The following PBX3 variants were observed in gnomAD, a reference collection of about 807,000 sequenced individuals.
PBX3 encodes the protein PBX homeobox 3, also known as pre-B-cell leukemia transcription factor 3.
A neutral mutation model predicts 48.5 loss-of-function variants in PBX3; 14 were observed. That is an observed-to-expected ratio of 0.29 (90% confidence interval 0.19 to 0.45). The LOEUF is 0.45. PBX3 is among the 20% of genes least tolerant of loss of function. The pLI is 1.00. For synonymous variants in PBX3, 210 were observed against 200.3 expected (o/e 1.05, Z -0.41); for missense variants, 386 against 546.7 (o/e 0.71, Z 2.93).
chr9:125,922,891 G>A (rs10987036), intron 3 of PBX3, among the ~76,000 whole-genome samples: 9,445 of 152,112 alleles, frequency 0.062, 684 homozygotes, highest in East Asian at 0.17. Flanking sequence ...CTTTCTTAAG[G>A]GTGTACCCAG....
chr9:125,937,367 A>T (rs1374087139), intron 5 of PBX3, among the ~76,000 whole-genome samples: 1 of 152,204 alleles, frequency 6.6e-6, no homozygotes, highest in African/African-American at 2.4e-5. Context: ...TTTTAAAAAA[A>T]ACAGTTAATT....
At chr9:125,953,541 G>T (rs1220057322) in intron 5 of PBX3, among the ~76,000 whole-genome samples, 1 of 151,982 alleles carries the variant, frequency 6.6e-6, no homozygotes, top group African/African-American at 2.4e-5. Flanking sequence ...ATTTTCTCAA[G>T]ATAAGTTTTA....
intron 2 of PBX3, among the ~76,000 whole-genome samples, chr9:125,780,120 A>T (rs1342867458): frequency 8.7e-6 from 1 of 114,304 alleles, no homozygotes; most frequent in African/African-American, 3.4e-5. Context: ...GGGGCTCCTC[A>T]CTTCCCAGTA....
chr9:125,860,082 C>G (rs1389362497), intron 2 of PBX3, among the ~76,000 whole-genome samples: 1 of 152,198 alleles, frequency 6.6e-6, no homozygotes, highest in South Asian at 2.1e-4. Flanking sequence ...ATTAAAACAG[C>G]AGTTTATTTC....
In PBX3 at chr9:125,963,022, T is replaced by TC. The variant is rs1842462127; in HGVS notation, c.1135dup (p.Arg379ProfsTer12). 6.2e-7 allele frequency: 1 copy of TC among 1,601,030 alleles called. No individual in the cohort carries two copies. The highest frequency in any genetic ancestry group is 1.3e-5 in the African/African-American group (1 of 74,744). ...TTGTCTCACTTCTAGGTGGATACCC[T>TC]CCGTCATGTTATCAATCAGACGGGA... On this transcript the variant is annotated frameshift_variant, in exon 8 of 9. Coordinates refer to ENST00000373489, the MANE Select transcript of PBX3 (RefSeq NM_006195.6). LOFTEE classifies it high-confidence loss of function.
At chr9:125,961,220 T>G (rs192779856) in intron 6 of PBX3, among the ~76,000 whole-genome samples, 4 of 152,356 alleles carry the variant, frequency 2.6e-5, no homozygotes, top group Admixed American at 2.6e-4. Context: ...AATGCAGCAG[T>G]TGCTGTGTGT....
intron 2 of PBX3, among the ~76,000 whole-genome samples, chr9:125,859,856 C>T (rs1403719923): frequency 1.3e-5 from 2 of 152,136 alleles, no homozygotes; most frequent in African/African-American, 4.8e-5. Context: ...TGTGTGTTAT[C>T]AGTAAAGATA....
At chr9:125,779,261 T>TTA (rs1554853831) in intron 2 of PBX3, among the ~76,000 whole-genome samples, 5 of 145,328 alleles carry the variant, frequency 3.4e-5, no homozygotes, top group African/African-American at 1.3e-4. Context: ...TTTTTTTTTT[T>TTA]AATTTTTATT....
At chr9:125,761,647 A>ACC (rs1454883346) in intron 2 of PBX3, among the ~76,000 whole-genome samples, 2 of 152,114 alleles carry the variant, frequency 1.3e-5, no homozygotes, top group South Asian at 2.1e-4. Context: ...ATAACACAAA[A>ACC]CCCCTACCTT....
rs1033322378 is a variant in PBX3 at position 125,826,490 on chromosome 9, T to A, written c.274+77867T>A. On this transcript the variant is annotated intron_variant, in intron 2 of 8. Coordinates refer to ENST00000373489, the MANE Select transcript of PBX3 (RefSeq NM_006195.6). Reference sequence around the variant, plus strand: ...TGGGATTTTTTCCTTTGAAAATATATCTAATGAATACATAAGATATATTTC... The same window carrying A: ...TGGGATTTTTTCCTTTGAAAATATAACTAATGAATACATAAGATATATTTC... 7.1e-4 allele frequency among the ~76,000 whole-genome samples: 108 copies of A among 152,276 alleles called. 1 individual carries two copies. Among genetic ancestry groups the A allele is most frequent in the Admixed American group, 7.0e-3 (107 of 15,288 alleles).
At chr9:125,950,385 T>A (rs550154461) in intron 5 of PBX3, among the ~76,000 whole-genome samples, 92 of 152,222 alleles carry the variant, frequency 6.0e-4, no homozygotes, top group Non-Finnish European at 8.8e-4. Context: ...TTTCAAATGC[T>A]ATGGAAACTG....
intron 2 of PBX3, among the ~76,000 whole-genome samples, chr9:125,834,174 TA>T (rs1008008759): frequency 6.6e-6 from 1 of 152,160 alleles, no homozygotes; most frequent in Non-Finnish European, 1.5e-5. Context: ...CGAAGCATGA[TA>T]AACATTATGA....
At chr9:125,869,402 G>A (rs1840063318) in intron 2 of PBX3, among the ~76,000 whole-genome samples, 1 of 152,180 alleles carries the variant, frequency 6.6e-6, no homozygotes, top group South Asian at 2.1e-4. Flanking sequence ...AAATATACTG[G>A]TATTCAAATA....
intron 2 of PBX3, among the ~76,000 whole-genome samples, chr9:125,805,168 C>G (rs946471225): frequency 3.3e-5 from 5 of 150,998 alleles, no homozygotes; most frequent in African/African-American, 1.2e-4. Flanking sequence ...AAGGAGCAGG[C>G]TTAAAAAAAA....
In PBX3 at chr9:125,851,150, T is replaced by C. The variant is rs371719406; in HGVS notation, c.275-64536T>C. On this transcript the variant is annotated intron_variant, in intron 2 of 8. Coordinates refer to ENST00000373489, the MANE Select transcript of PBX3 (RefSeq NM_006195.6). ...ATTTTTCAGCCTGAAAAAATACTTA[T>C]GGGTAGAGATGTCAAAAATATTAAC... 4.6e-5 allele frequency among the ~76,000 whole-genome samples: 7 copies of C among 152,194 alleles called. No homozygotes were observed. In the South Asian group the frequency reaches 6.2e-4, roughly 14 times the overall value.
intron 3 of PBX3, among the ~76,000 whole-genome samples, chr9:125,916,265 T>C (rs1032029889): frequency 2.0e-5 from 3 of 152,220 alleles, no homozygotes; most frequent in Non-Finnish European, 4.4e-5. Flanking sequence ...ATTTATGCAC[T>C]AGCCTTGTTC....
At chr9:125,961,991 T>A (rs1264090208) in intron 6 of PBX3, 111 bp from the exon 7 acceptor site, 3 of 584,916 alleles carry the variant, frequency 5.1e-6, no homozygotes, top group Non-Finnish European at 9.3e-6. Flanking sequence ...ATGCTTTATG[T>A]TGTGCACAGC....
intron 2 of PBX3, among the ~76,000 whole-genome samples, chr9:125,837,239 C>T (rs1055601713): frequency 5.3e-5 from 8 of 151,928 alleles, no homozygotes; most frequent in African/African-American, 1.7e-4. Context: ...AACCAGTTTA[C>T]AAGCTATGTT....
At position 125,759,698 on chromosome 9, in the gene PBX3, G is replaced by C. The variant is rs919857017; in HGVS notation, c.274+11075G>C. On this transcript the variant is annotated intron_variant, in intron 2 of 8. Transcript: ENST00000373489. This position sits in a 1 kb window ranked among gnomAD's most constrained non-coding sequence, Gnocchi z 4.2. ...TAGCTAGGAGCAGTTTGTGGACCGC[G>C]TCTGTGAACGCGGCTCATAATTGTT... is the stretch of plus-strand genomic sequence containing the variant. Among the ~76,000 whole-genome samples, 1 of 152,194 alleles carries C rather than the reference G, an allele frequency of 6.6e-6. No individual in the cohort carries two copies. Among genetic ancestry groups the C allele is most frequent in the Non-Finnish European group, 1.5e-5 (1 of 68,016 alleles).
Sources: allele counts gnomAD v4.1 joint callset (sites outside exome capture counted in the v4.1 genomes callset), GRCh38; gene constraint gnomAD v4.1.1; non-coding constraint Gnocchi (gnomAD v3.1); transcripts MANE v1.5; gene names NCBI Gene and HGNC (gene_info 2026-07-23, HGNC 2026-07-21).